The following SCN4A variants were observed in gnomAD, a reference collection of about 807,000 sequenced individuals.
SCN4A encodes sodium channel protein type 4 subunit alpha.
In SCN4A, 83 loss-of-function variants were observed where a neutral mutation model predicts 162.0. That is an observed-to-expected ratio of 0.51 (90% CI 0.43 to 0.61). The LOEUF (loss-of-function observed/expected upper bound fraction) is 0.61, where lower values mean the gene tolerates loss of function less well. Ranked by LOEUF, SCN4A falls within the 20% of genes least tolerant of loss-of-function variation. The pLI, the probability that SCN4A is intolerant of heterozygous loss-of-function variation, is 0.00. For missense variants in SCN4A, 2,196 were observed against 2,462.5 expected (o/e 0.89, Z 2.29); for synonymous variants, 944 against 985.1 (o/e 0.96, Z 0.78).
At chr17:63,962,428 T>C (rs139397542) in intron 10 of SCN4A, among the ~76,000 whole-genome samples, 92 of 152,328 alleles carry the variant, frequency 6.0e-4, no homozygotes, top group African/African-American at 2.1e-3. Context: ...GGGACAAAGC[T>C]GTTCCTCCTC....
rs1162138381 is a variant in SCN4A at position 63,951,262 on chromosome 17, A to G, written c.2853+162T>C. Among the ~76,000 whole-genome samples the G allele has an allele frequency of 1.3e-5, 2 of 152,238 alleles. No homozygotes were observed. The highest frequency in any genetic ancestry group is 2.9e-5 in the Non-Finnish European group (2 of 68,046). ...CCACCACTCACAGGGCGCGGACTGCATGCTTTACATACAGCGTCTCACATA... is the reference window on the plus strand; with the variant it reads ...CCACCACTCACAGGGCGCGGACTGCGTGCTTTACATACAGCGTCTCACATA... On this transcript the variant is annotated intron_variant, in intron 14 of 23. Coordinates refer to ENST00000435607, the MANE Select transcript of SCN4A (RefSeq NM_000334.4). The surrounding 1 kb of genome is among the most constrained non-coding windows in gnomAD (Gnocchi z 4.5).
At chr17:63,957,599 T>A in intron 12 of SCN4A, 81 bp from the exon 13 acceptor site, 1 of 911,142 alleles carries the variant, frequency 1.1e-6, no homozygotes, top group Non-Finnish European at 1.7e-6. Flanking sequence ...GAAAGAACAG[T>A]GTCGAGTAGC....
At chr17:63,942,684 T>G in intron 23 of SCN4A, 142 bp downstream of exon 23, 1 of 837,018 alleles carries the variant, frequency 1.2e-6, no homozygotes, top group Non-Finnish European at 1.9e-6. Flanking sequence ...CCTTTGTGCA[T>G]TGAGAGTGAA....
intron 18 of SCN4A, among the ~76,000 whole-genome samples, chr17:63,946,606 AAGGCTC>A (rs1908733929): frequency 6.6e-6 from 1 of 152,002 alleles, no homozygotes; most frequent in Non-Finnish European, 1.5e-5. Flanking sequence ...GGGTGAGGGG[AAGGCTC>A]AGAGCCAGGG....
chr17:63,946,323 T>C (rs1229706235), intron 18 of SCN4A, among the ~76,000 whole-genome samples: 1 of 152,042 alleles, frequency 6.6e-6, no homozygotes, highest in Non-Finnish European at 1.5e-5. Context: ...GGGCCCAGCA[T>C]TCGGCTGGCC....
intron 16 of SCN4A, among the ~76,000 whole-genome samples, chr17:63,948,406 C>G (rs1411202995): frequency 6.6e-6 from 1 of 152,188 alleles, no homozygotes; most frequent in Non-Finnish European, 1.5e-5. Flanking sequence ...TCAGCACCCA[C>G]GTAATAAGGG....
chr17:63,957,068 G>A (rs530091279), intron 13 of SCN4A, 94 bp downstream of exon 13: 6 of 833,888 alleles, frequency 7.2e-6, no homozygotes, highest in Non-Finnish European at 1.1e-5. Flanking sequence ...ATTTTGGAGA[G>A]GATGTGTTGG....
chr17:63,964,675 G>T lies in SCN4A; in HGVS notation c.1245C>A (p.Thr415=). The change falls in exon 9 of 24, where the codon ACC becomes ACA. Residue 415 remains threonine, a splice_region_variant and synonymous_variant. Coordinates refer to ENST00000435607, the MANE Select transcript of SCN4A (RefSeq NM_000334.4). ...TGTAGGTCTTGCCAGCTGCTCGAAG[G>T]GTCTGGGAGTGGAGGGAGAGGGAGT... is the stretch of plus-strand genomic sequence containing the variant. ...QDYWENLFQL[T]LRAAGKTYMI... 1 of 1,603,970 alleles carries T rather than the reference G, an allele frequency of 6.2e-7. No individual in the cohort carries two copies. The highest frequency in any genetic ancestry group is 1.3e-5 in the African/African-American group (1 of 74,872).
chr17:63,964,300 C>G (rs1454255394), intron 9 of SCN4A, among the ~76,000 whole-genome samples, 168 bp downstream of exon 9: 1 of 152,246 alleles, frequency 6.6e-6, no homozygotes, highest in Admixed American at 6.5e-5. Flanking sequence ...CCTCCATCCC[C>G]CTGCCACCAG....
rs114900922 is a variant in SCN4A, at chr17:63,941,774, T to C, written c.4508A>G (p.Asn1503Ser). 180 of 1,614,086 alleles carry C rather than the reference T, an allele frequency of 1.1e-4. No individual in the cohort carries two copies. In the African/African-American group the frequency reaches 2.2e-3, roughly 20 times the overall value. ...MFIYSIFGMS[N>S]FAYVKKESGI... The stretch of plus-strand genomic sequence containing the variant: ...CGACTCCTTCTTGACGTAGGCAAAG[T>C]TGGACATGCCGAAGATGGAGTAGAT... Residue 1503 changes from asparagine (N) to serine (S), a missense_variant, in exon 24 of 24, where the codon AAC becomes AGC. Coordinates refer to ENST00000435607, the MANE Select transcript of SCN4A (RefSeq NM_000334.4). This position sits in a 1 kb window ranked among gnomAD's most constrained non-coding sequence, Gnocchi z 6.2.
In SCN4A at chr17:63,952,411, C is replaced by T. The variant is rs546010951; in HGVS notation, c.2377-511G>A. Among the ~76,000 whole-genome samples, 58 of 152,176 alleles carry T rather than the reference C, an allele frequency of 3.8e-4. No individual in the cohort carries two copies. In the East Asian group the frequency reaches 5.6e-3, roughly 15 times the overall value. On this transcript the variant is annotated intron_variant, in intron 13 of 23. Coordinates refer to ENST00000435607, the MANE Select transcript of SCN4A (RefSeq NM_000334.4). ...CTGACCTCAAGTGATCCGCCTGCCTCGGCCTCCCAAAGTGCTGGGATTAGA... is the reference window on the plus strand; with the variant it reads ...CTGACCTCAAGTGATCCGCCTGCCTTGGCCTCCCAAAGTGCTGGGATTAGA...
intron 18 of SCN4A, among the ~76,000 whole-genome samples, chr17:63,946,469 C>T (rs556993590): frequency 1.8e-4 from 23 of 128,336 alleles, no homozygotes; most frequent in Non-Finnish European, 2.3e-4. Context: ...CTTGCCCCCC[C>T]CCCCACCCCG....
At chr17:63,962,857 C>T (rs1909310173) in intron 10 of SCN4A, among the ~76,000 whole-genome samples, 1 of 152,182 alleles carries the variant, frequency 6.6e-6, no homozygotes, top group African/African-American at 2.4e-5. Context: ...TGGGTACCCT[C>T]TGGCAGGGCA....
intron 6 of SCN4A, 139 bp from the exon 7 acceptor site, chr17:63,966,683 G>A (rs574075273): frequency 7.9e-5 from 53 of 667,030 alleles, no homozygotes; most frequent in Middle Eastern, 6.9e-4. Context: ...CCTCTTCCCC[G>A]TCCTTTAAGG....
chr17:63,940,603 G>T lies in SCN4A; in HGVS notation c.*168C>A. 1 of 716,262 alleles carries T rather than the reference G, an allele frequency of 1.4e-6. No homozygotes were observed. Among genetic ancestry groups the T allele is most frequent in the Non-Finnish European group, 2.1e-6 (1 of 469,678 alleles). The allele number at this position is 716,262 out of a possible 1,614,324, so 44.4% of individuals were successfully genotyped here. On this transcript the variant is annotated 3_prime_UTR_variant, in exon 24 of 24. Coordinates refer to ENST00000435607, the MANE Select transcript of SCN4A (RefSeq NM_000334.4). Reference sequence around the variant, plus strand: ...CCATTTCCCATGGTCTGGGAACGCAGGCGCTCGGGCCTGGGTGTCAGCCCC... The same window carrying T: ...CCATTTCCCATGGTCTGGGAACGCATGCGCTCGGGCCTGGGTGTCAGCCCC...
intron 18 of SCN4A, among the ~76,000 whole-genome samples, chr17:63,946,335 C>T (rs1448731432): frequency 1.3e-5 from 2 of 152,068 alleles, no homozygotes; most frequent in Non-Finnish European, 2.9e-5. Flanking sequence ...CGGCTGGCCT[C>T]TTGCAGGGAC....
intron 14 of SCN4A, chr17:63,949,732 A>C: frequency 1.8e-6 from 1 of 550,982 alleles, no homozygotes; most frequent in East Asian, 3.2e-5. Context: ...CATGACACTT[A>C]TATAAGGAGT....
rs765721076 is a variant in SCN4A at position 63,941,282 on chromosome 17, G to A, written c.5000C>T (p.Pro1667Leu). The A allele has an allele frequency of 8.7e-6, 14 of 1,613,814 alleles. No individual in the cohort carries two copies. In the Admixed American group the frequency reaches 1.7e-4, roughly 19 times the overall value. Reference sequence around the variant, plus strand: ...GTGGATCTTGTCCCCTGGCACCATGGGCAAGTCCAGTGTGATGAGCTTGAT... The same window carrying A: ...GTGGATCTTGTCCCCTGGCACCATGAGCAAGTCCAGTGTGATGAGCTTGAT... ...NKIKLITLDLPMVPGDKIHCL... is the reference protein window; with the variant it reads ...NKIKLITLDLLMVPGDKIHCL... Residue 1667 changes from proline (P) to leucine (L), a missense_variant, in exon 24 of 24, where the codon CCC becomes CTC. By Grantham distance (98) the Pro-to-Leu change is moderately conservative. Coordinates refer to ENST00000435607, the MANE Select transcript of SCN4A (RefSeq NM_000334.4). This position sits in a 1 kb window ranked among gnomAD's most constrained non-coding sequence, Gnocchi z 6.2.
In SCN4A at chr17:63,943,216, G is replaced by C. The variant is rs117323879; in HGVS notation, c.4018-120C>G. 4.9e-6 allele frequency: 1 copy of C among 204,600 alleles called. No individual in the cohort carries two copies. The highest frequency in any genetic ancestry group is 4.9e-5 in the South Asian group (1 of 20,240). The allele number at this position is 204,600 out of a possible 1,614,324, so 12.7% of individuals were successfully genotyped here. A position where few individuals can be genotyped will look rare whatever the true frequency, so the allele number is the denominator to read the frequency against. ...TGACAGAGATGACAGAGATGACAGA[G>C]AGAGAGAGAGAGAGAGAGAGAAAGG... On this transcript the variant is annotated intron_variant, in intron 22 of 23. Transcript: ENST00000435607.
Sources: gnomAD v4.1 joint callset for allele counts (sites outside exome capture counted in the v4.1 genomes callset) on GRCh38, gnomAD v4.1.1 for gene constraint, Gnocchi (gnomAD v3.1) non-coding constraint, MANE v1.5 for transcripts, NCBI Gene and HGNC (gene_info 2026-07-23, HGNC 2026-07-21) for gene names.